Variants in AGAP1 observed in about 807,000 individuals in gnomAD.
AGAP1 encodes arf-GAP with GTPase, ANK repeat and PH domain-containing protein 1.
In AGAP1, 29 loss-of-function variants were observed where a neutral mutation model predicts 105.3. The observed-to-expected ratio is 0.28, with a 90% CI of 0.21 to 0.38. The LOEUF (loss-of-function observed/expected upper bound fraction) is 0.38. Among genes scored for constraint, AGAP1 ranks in the 10% least tolerant of loss-of-function variants. AGAP1 has a pLI of 1.00. For synonymous variants in AGAP1, 509 were observed against 485.9 expected (o/e 1.05, Z -0.63); for missense variants, 998 against 1,165.1 (o/e 0.86, Z 2.09).
intron 12 of AGAP1, among the ~76,000 whole-genome samples, chr2:235,932,391 G>A (rs149165444): frequency 2.8e-4 from 42 of 152,370 alleles, no homozygotes; most frequent in Non-Finnish European, 4.9e-4. Flanking sequence ...GGTTCCTTTA[G>A]GAGGAGCAGA....
chr2:235,979,632 G>A lies in AGAP1; in HGVS notation c.1645+11009G>A, dbSNP rs1055064577. Among the ~76,000 whole-genome samples the A allele has an allele frequency of 6.6e-6, 1 of 152,262 alleles. No individual in the cohort carries two copies. The highest frequency in any genetic ancestry group is 2.4e-5 in the African/African-American group (1 of 41,542). On this transcript the variant is annotated intron_variant, in intron 13 of 17. Transcript: ENST00000304032. The surrounding 1 kb of genome is among the most constrained non-coding windows in gnomAD (Gnocchi z 4.5). ...CGTTCCGGCAGGCATTGCCGTGCAC[G>A]GACACACAACTTCACAAGGGCCTCT...
chr2:235,552,408 G>T lies in AGAP1; in HGVS notation c.163+57559G>T, dbSNP rs1943843102. The stretch of plus-strand genomic sequence containing the variant: ...CATTATGTGTTTAAGGCTTGGCATT[G>T]TTGGAGGTCAGGAAGACCAACTAAG... On this transcript the variant is annotated intron_variant, in intron 1 of 17. Transcript: ENST00000304032. This position sits in a 1 kb window ranked among gnomAD's most constrained non-coding sequence, Gnocchi z 5.9. Among the ~76,000 whole-genome samples the T allele has an allele frequency of 6.6e-6, 1 of 152,212 alleles. No homozygotes were observed. The highest frequency in any genetic ancestry group is 6.5e-5 in the Admixed American group (1 of 15,278).
At position 235,927,817 on chromosome 2, in the gene AGAP1, A is replaced by G. The variant is rs562491339; in HGVS notation, c.1325-2948A>G. ...GAGAAGCGGTGCTCTATTGAGTGCC[A>G]TGTTGTCATCGTTGTCCCAAAGATG... On this transcript the variant is annotated intron_variant, in intron 11 of 17. Transcript: ENST00000304032. This position sits in a 1 kb window ranked among gnomAD's most constrained non-coding sequence, Gnocchi z 4.4. Among the ~76,000 whole-genome samples the G allele has an allele frequency of 1.1e-4, 16 of 152,216 alleles. No homozygotes were observed. Among genetic ancestry groups the G allele is most frequent in the Admixed American group, 9.2e-4 (14 of 15,274 alleles).
chr2:235,777,186 G>A lies in AGAP1; in HGVS notation c.674-20573G>A. 2 of 381,630 alleles carry A rather than the reference G, an allele frequency of 5.2e-6. No homozygotes were observed. The highest frequency in any genetic ancestry group is 4.0e-5 in the South Asian group (2 of 50,532). The allele number at this position is 381,630 out of a possible 1,614,324, so 23.6% of individuals were successfully genotyped here. A position where few individuals can be genotyped will look rare whatever the true frequency, so the allele number is the denominator to read the frequency against. On this transcript the variant is annotated intron_variant, in intron 6 of 17. Coordinates refer to ENST00000304032, the MANE Select transcript of AGAP1 (RefSeq NM_001037131.3). This position sits in a 1 kb window ranked among gnomAD's most constrained non-coding sequence, Gnocchi z 5.1. Reference sequence around the variant, plus strand: ...ATCCTGGCTAACACAGTGAAACCCTGTCTCTACTAAAAATACAAAAAATTA... The same window carrying A: ...ATCCTGGCTAACACAGTGAAACCCTATCTCTACTAAAAATACAAAAAATTA...
chr2:235,806,354 A>G lies in AGAP1; in HGVS notation c.958-885A>G, dbSNP rs139463222. ...CAGTTATTAAGGAGGACGAGTCTCC[A>G]ATCTTTCTCTCATAATAAAATAAAT... On this transcript the variant is annotated intron_variant, in intron 8 of 17. Transcript: ENST00000304032. Among the ~76,000 whole-genome samples the G allele has an allele frequency of 2.8e-3, 433 of 152,334 alleles. 2 individuals carry two copies. Among genetic ancestry groups the G allele is most frequent in the East Asian group, 0.02 (103 of 5,188 alleles).
rs552183932 is a variant in AGAP1, at chr2:235,913,033, G to A, written c.1324+4127G>A. ...TATATTTAGGATATGAATATATTTTGCAGGTATTTCCCCAGTTTATTATTT... is the reference window on the plus strand; with the variant it reads ...TATATTTAGGATATGAATATATTTTACAGGTATTTCCCCAGTTTATTATTT... On this transcript the variant is annotated intron_variant, in intron 11 of 17. Transcript: ENST00000304032. Among the ~76,000 whole-genome samples the A allele has an allele frequency of 3.9e-5, 6 of 152,178 alleles. No homozygotes were observed. In the South Asian group the frequency reaches 1.2e-3, roughly 32 times the overall value.
Position 235,707,948 on chromosome 2 carries a change from G to A in AGAP1, c.164-1231G>A, listed in dbSNP as rs537854248. Among the ~76,000 whole-genome samples the A allele has an allele frequency of 4.2e-4, 64 of 151,914 alleles. No homozygotes were observed. In the East Asian group the frequency reaches 4.7e-3, roughly 11 times the overall value. On this transcript the variant is annotated intron_variant, in intron 1 of 17. Coordinates refer to ENST00000304032, the MANE Select transcript of AGAP1 (RefSeq NM_001037131.3). ...TTGTGCTTCCCAATCATGTGACCTGGTGGGACGTGCTCCCCATCGTGTGAC... is the reference window on the plus strand; with the variant it reads ...TTGTGCTTCCCAATCATGTGACCTGATGGGACGTGCTCCCCATCGTGTGAC...
intron 9 of AGAP1, among the ~76,000 whole-genome samples, chr2:235,810,309 G>A (rs1206472696): frequency 1.3e-5 from 2 of 152,208 alleles, no homozygotes; most frequent in Non-Finnish European, 2.9e-5. Flanking sequence ...GTCACTTGCT[G>A]CAGAGAACTG....
At chr2:235,933,213 G>A (rs913812621) in intron 12 of AGAP1, among the ~76,000 whole-genome samples, 1 of 152,182 alleles carries the variant, frequency 6.6e-6, no homozygotes, top group African/African-American at 2.4e-5. Flanking sequence ...GAACCAGATG[G>A]ATTTTTTTGT....
chr2:236,112,560 C>T (rs923564261), intron 16 of AGAP1, among the ~76,000 whole-genome samples: 2 of 152,182 alleles, frequency 1.3e-5, no homozygotes, highest in African/African-American at 2.4e-5. Flanking sequence ...GTTCTGTCGT[C>T]GCTGGGTTGG....
chr2:235,529,103 G>C (rs1307912613), intron 1 of AGAP1, among the ~76,000 whole-genome samples: 1 of 152,160 alleles, frequency 6.6e-6, no homozygotes, highest in Non-Finnish European at 1.5e-5. Context: ...AGCTAGCTCT[G>C]TGGCCCCTAG....
chr2:235,999,480 C>T (rs1369486984), intron 13 of AGAP1, among the ~76,000 whole-genome samples: 15 of 101,872 alleles, frequency 1.5e-4, no homozygotes, highest in South Asian at 3.4e-4. Context: ...ATTGTGGTGA[C>T]GATGGTGAGA....
In AGAP1 at chr2:235,564,723, G is replaced by A. The variant is rs1026515790; in HGVS notation, c.163+69874G>A. Among the ~76,000 whole-genome samples the A allele has an allele frequency of 4.1e-5, 6 of 146,480 alleles. No individual in the cohort carries two copies. In the East Asian group the frequency reaches 6.3e-4, roughly 15 times the overall value. ...GTGTGAGCCTGGACCACCACCCAGG[G>A]CCAGGTGTGAGCCTGGACCAGCACC... On this transcript the variant is annotated intron_variant, in intron 1 of 17. Coordinates refer to ENST00000304032, the MANE Select transcript of AGAP1 (RefSeq NM_001037131.3).
At position 236,044,874 on chromosome 2, in the gene AGAP1, G is replaced by A. The variant is rs2057669702; in HGVS notation, c.1891+4033G>A. Among the ~76,000 whole-genome samples the A allele has an allele frequency of 1.3e-5, 2 of 152,096 alleles. No homozygotes were observed. Among genetic ancestry groups the A allele is most frequent in the African/African-American group, 4.8e-5 (2 of 41,404 alleles). ...TCTTAGCTCTTTTCTGGTTTGGGCGGGGGCAGGGGCGGGTTGAGATGGGGT... is the reference window on the plus strand; with the variant it reads ...TCTTAGCTCTTTTCTGGTTTGGGCGAGGGCAGGGGCGGGTTGAGATGGGGT... On this transcript the variant is annotated intron_variant, in intron 15 of 17. Transcript: ENST00000304032. The surrounding 1 kb of genome is among the most constrained non-coding windows in gnomAD (Gnocchi z 5.7).
chr2:235,723,577 G>T lies in AGAP1; in HGVS notation c.310+5933G>T, dbSNP rs566038133. Among the ~76,000 whole-genome samples the T allele has an allele frequency of 6.6e-6, 1 of 152,178 alleles. No individual in the cohort carries two copies. The highest frequency in any genetic ancestry group is 1.5e-5 in the Non-Finnish European group (1 of 68,032). On this transcript the variant is annotated intron_variant, in intron 3 of 17. Coordinates refer to ENST00000304032, the MANE Select transcript of AGAP1 (RefSeq NM_001037131.3). This position sits in a 1 kb window ranked among gnomAD's most constrained non-coding sequence, Gnocchi z 6.2. The stretch of plus-strand genomic sequence containing the variant: ...CTCTGTGTCACCCATGGCATCACAG[G>T]CACCCTGGGCCATGGGCCCTCCCGA...
At chr2:235,765,921 A>T (rs1186111387) in intron 6 of AGAP1, among the ~76,000 whole-genome samples, 1 of 152,184 alleles carries the variant, frequency 6.6e-6, no homozygotes, top group African/African-American at 2.4e-5. Flanking sequence ...GATGTGTAGA[A>T]TTTCAGAGCT....
At chr2:236,013,066 G>A (rs2056573066) in intron 13 of AGAP1, among the ~76,000 whole-genome samples, 1 of 152,202 alleles carries the variant, frequency 6.6e-6, no homozygotes, top group African/African-American at 2.4e-5. Flanking sequence ...ACACTGCAAA[G>A]GAATTGTTAG....
At position 235,566,285 on chromosome 2, in the gene AGAP1, T is replaced by C. The variant is rs182746651; in HGVS notation, c.163+71436T>C. ...TTTGTATTTTTAGTACAGACGGAGT[T>C]TCTCCATGTTTGTCAGGCTGGTCTC... On this transcript the variant is annotated intron_variant, in intron 1 of 17. Transcript: ENST00000304032. The surrounding 1 kb of genome is among the most constrained non-coding windows in gnomAD (Gnocchi z 5.2). 6.6e-6 allele frequency among the ~76,000 whole-genome samples: 1 copy of C among 152,190 alleles called. No homozygotes were observed. Among genetic ancestry groups the C allele is most frequent in the African/African-American group, 2.4e-5 (1 of 41,540 alleles).
At chr2:235,947,766 T>A (rs968049007) in intron 12 of AGAP1, among the ~76,000 whole-genome samples, 1 of 152,128 alleles carries the variant, frequency 6.6e-6, no homozygotes, top group East Asian at 1.9e-4. Context: ...AGGTATCAGG[T>A]GGTAGAATGA....
Sources: allele counts gnomAD v4.1 joint callset (sites outside exome capture counted in the v4.1 genomes callset), GRCh38; gene constraint gnomAD v4.1.1; non-coding constraint Gnocchi (gnomAD v3.1); transcripts MANE v1.5; gene names NCBI Gene and HGNC (gene_info 2026-07-23, HGNC 2026-07-21).